BCKDHB: variants seen among roughly 807,000 people sequenced by gnomAD.
The protein encoded by BCKDHB is 2-oxoisovalerate dehydrogenase subunit beta, mitochondrial.
Under a neutral mutation model 48.5 loss-of-function variants are expected in BCKDHB, and 41 were observed. The observed-to-expected ratio is 0.85, with a 90% CI of 0.66 to 1.10. The LOEUF (loss-of-function observed/expected upper bound fraction) is 1.10. Ranked by LOEUF, BCKDHB falls within the 50% of genes least tolerant of loss-of-function variation. The probability of loss-of-function intolerance (pLI) is 0.00; values close to 1 mark genes in which losing one functional copy is unlikely to be tolerated. For missense variants in BCKDHB, 496 were observed against 494.2 expected (o/e 1.00, Z -0.03); for synonymous variants, 201 against 174.8 (o/e 1.15, Z -1.18).
Position 80,106,704 on chromosome 6 carries a change from T to G in BCKDHB, c.11T>G (p.Val4Gly). MAV[V>G]AAAAGWLLRL... Reference sequence around the variant, plus strand: ...CGGTGGTGAGCGGGGATGGCGGTTGTAGCGGCGGCTGCCGGCTGGCTACTC... The same window carrying G: ...CGGTGGTGAGCGGGGATGGCGGTTGGAGCGGCGGCTGCCGGCTGGCTACTC... Residue 4 changes from valine (V) to glycine (G), a missense_variant, in exon 1 of 10, where the codon GTA (valine) becomes GGA (glycine). Val to Gly is a moderately radical substitution (Grantham distance 109). Coordinates refer to ENST00000320393, the MANE Select transcript of BCKDHB (RefSeq NM_183050.4). The G allele has an allele frequency of 6.4e-7, 1 of 1,551,584 alleles. No individual in the cohort carries two copies. Among genetic ancestry groups the G allele is most frequent in the Non-Finnish European group, 8.7e-7 (1 of 1,148,186 alleles).
chr6:80,126,282 G>A (rs758821515), intron 1 of BCKDHB, among the ~76,000 whole-genome samples: 20 of 152,154 alleles, frequency 1.3e-4, no homozygotes, highest in Non-Finnish European at 2.6e-4. Flanking sequence ...TAGGCAGAAC[G>A]TCAGAAGTCT....
the BCKDHB span, among the ~76,000 whole-genome samples, chr6:80,383,043 G>C: frequency 3.9e-5 from 6 of 152,184 alleles, no homozygotes; most frequent in African/African-American, 1.2e-4. Context: ...ACCAGCTTTG[G>C]CTCTGTTCCA....
chr6:80,464,060 G>A, the BCKDHB span, among the ~76,000 whole-genome samples: 4 of 151,926 alleles, frequency 2.6e-5, no homozygotes, highest in Non-Finnish European at 4.4e-5. Context: ...CTTTCTACCC[G>A]ACCGAGTCTG....
intron 8 of BCKDHB, among the ~76,000 whole-genome samples, chr6:80,249,341 C>A (rs949170794): frequency 1.2e-4 from 18 of 152,040 alleles, no homozygotes; most frequent in Admixed American, 9.2e-4. Context: ...AAAACACATT[C>A]ATGTCTGCAG....
the BCKDHB span, among the ~76,000 whole-genome samples, chr6:80,457,772 C>T: frequency 6.6e-6 from 1 of 152,206 alleles, no homozygotes; most frequent in Admixed American, 6.5e-5. Context: ...CCTCTTATGG[C>T]TTCCTAGTGT....
the BCKDHB span, among the ~76,000 whole-genome samples, chr6:80,447,271 A>C: frequency 6.6e-6 from 1 of 152,106 alleles, no homozygotes; most frequent in Non-Finnish European, 1.5e-5. Context: ...GATCAGATGC[A>C]TGATGTATGT....
chr6:80,141,228 AT>A (rs559761603), intron 3 of BCKDHB, among the ~76,000 whole-genome samples: 2,180 of 151,982 alleles, frequency 0.014, 50 homozygotes, highest in African/African-American at 0.049. Flanking sequence ...CGGTCTATCA[AT>A]TTTGTTGATC....
the BCKDHB span, among the ~76,000 whole-genome samples, chr6:80,405,928 C>G: frequency 6.6e-6 from 1 of 152,094 alleles, no homozygotes; most frequent in South Asian, 2.1e-4. Flanking sequence ...CTGCGCCCAT[C>G]AACTTGTCAT....
chr6:80,392,989 AT>A, the BCKDHB span, among the ~76,000 whole-genome samples: 2 of 150,604 alleles, frequency 1.3e-5, no homozygotes, highest in Non-Finnish European at 2.9e-5. Flanking sequence ...GAATATGAAG[AT>A]TTTCTCTCTA....
At chr6:80,199,698 A>G (rs1271221715) in intron 6 of BCKDHB, among the ~76,000 whole-genome samples, 1 of 143,622 alleles carries the variant, frequency 7.0e-6, no homozygotes, top group African/African-American at 2.6e-5. Flanking sequence ...TGAACCCAGG[A>G]GGCAGAGGTT....
the BCKDHB span, among the ~76,000 whole-genome samples, chr6:80,403,657 T>C: frequency 1.3e-5 from 2 of 151,858 alleles, no homozygotes; most frequent in Non-Finnish European, 2.9e-5. Flanking sequence ...ATCTTATTCT[T>C]GAACTTAGAG....
the BCKDHB span, among the ~76,000 whole-genome samples, chr6:80,384,802 C>A: frequency 6.6e-6 from 1 of 152,106 alleles, no homozygotes; most frequent in Non-Finnish European, 1.5e-5. Context: ...CTCTGGAGAA[C>A]CCTGACTAAT....
rs2127698861 is a variant in BCKDHB at position 80,106,759 on chromosome 6, C to G, written c.66C>G (p.His22Gln). The change falls in exon 1 of 10, where the codon CAC becomes CAG. Residue 22 changes from histidine (H) to glutamine (Q), a missense_variant. Coordinates refer to ENST00000320393, the MANE Select transcript of BCKDHB (RefSeq NM_183050.4). ...LRLRAAGAEG[H>Q]WRRLPGAGLA... Reference sequence around the variant, plus strand: ...TCAGGGCGGCAGGGGCTGAGGGGCACTGGCGTCGGCTTCCTGGCGCGGGGC... The same window carrying G: ...TCAGGGCGGCAGGGGCTGAGGGGCAGTGGCGTCGGCTTCCTGGCGCGGGGC... 1 of 1,577,410 alleles carries G rather than the reference C, an allele frequency of 6.3e-7. No homozygotes were observed. Among genetic ancestry groups the G allele is most frequent in the Non-Finnish European group, 8.6e-7 (1 of 1,162,740 alleles).
intron 8 of BCKDHB, chr6:80,251,723 T>A (rs1002849988): frequency 6.6e-6 from 1 of 152,228 alleles, no homozygotes; most frequent in African/African-American, 2.4e-5. Flanking sequence ...TATTTCTGTT[T>A]GTGTATGGTA....
At chr6:80,396,476 C>T in the BCKDHB span, among the ~76,000 whole-genome samples, 1 of 152,266 alleles carries the variant, frequency 6.6e-6, no homozygotes, top group East Asian at 1.9e-4. Context: ...TAAGACTTTG[C>T]AAGACTGTTG....
At chr6:80,189,207 G>A (rs1773783942) in intron 6 of BCKDHB, among the ~76,000 whole-genome samples, 1 of 152,134 alleles carries the variant, frequency 6.6e-6, no homozygotes, top group Non-Finnish European at 1.5e-5. Context: ...ACGGTTGTCA[G>A]TAATATAGTT....
intron 3 of BCKDHB, among the ~76,000 whole-genome samples, chr6:80,163,784 C>G (rs565223793): frequency 6.6e-6 from 1 of 152,160 alleles, no homozygotes; most frequent in African/African-American, 2.4e-5. Context: ...TCACAGTTTT[C>G]CCTTTCTCAG....
the BCKDHB span, among the ~76,000 whole-genome samples, chr6:80,441,831 G>T: frequency 6.6e-6 from 1 of 152,058 alleles, no homozygotes; most frequent in Non-Finnish European, 1.5e-5. Context: ...TTAGATGATA[G>T]GAATAAATGC....
chr6:80,381,227 A>G, the BCKDHB span, among the ~76,000 whole-genome samples: 1 of 151,954 alleles, frequency 6.6e-6, no homozygotes, highest in Non-Finnish European at 1.5e-5. Flanking sequence ...ATACCGTCCT[A>G]TACCAGATAG....
Sources: allele counts gnomAD v4.1 joint callset (sites outside exome capture counted in the v4.1 genomes callset), GRCh38; gene constraint gnomAD v4.1.1; transcripts MANE v1.5; gene names NCBI Gene and HGNC (gene_info 2026-07-23, HGNC 2026-07-21).